The following SLC13A1 variants were observed in gnomAD, a reference collection of about 807,000 sequenced individuals.
SLC13A1 encodes solute carrier family 13 member 1.
In SLC13A1, 65 loss-of-function variants were observed where a neutral mutation model predicts 70.0. The ratio of observed to expected loss-of-function variants is 0.93; its 90% CI spans 0.76 to 1.14. The LOEUF is 1.14. Ranked by LOEUF, SLC13A1 falls within the 50% of genes most tolerant of loss-of-function variation. The probability of loss-of-function intolerance (pLI) is 0.00; values close to 1 mark genes in which losing one functional copy is unlikely to be tolerated. For synonymous variants in SLC13A1, 275 were observed against 250.5 expected (o/e 1.10, Z -0.92); for missense variants, 726 against 717.8 (o/e 1.01, Z -0.13).
chr7:123,144,562 G>C (rs541010641), intron 7 of SLC13A1, among the ~76,000 whole-genome samples: 1 of 152,238 alleles, frequency 6.6e-6, no homozygotes, highest in South Asian at 2.1e-4. Context: ...CACAACCTCT[G>C]TTCATTAAAC....
chr7:123,199,819 CCA>C, intron 1 of SLC13A1, 27 bp downstream of exon 1: 1 of 1,496,322 alleles, frequency 6.7e-7, no homozygotes, highest in Non-Finnish European at 9.3e-7. Context: ...GTCAGGAAAT[CCA>C]CCAGTCTGTT....
intron 6 of SLC13A1, among the ~76,000 whole-genome samples, chr7:123,152,168 G>C (rs1794579047): frequency 6.6e-6 from 1 of 152,038 alleles, no homozygotes; most frequent in Non-Finnish European, 1.5e-5. Context: ...TTCTGAAATA[G>C]GCAAGAATTA....
intron 12 of SLC13A1, among the ~76,000 whole-genome samples, chr7:123,121,276 C>T (rs2116265585): frequency 6.6e-6 from 1 of 152,162 alleles, no homozygotes; most frequent in South Asian, 2.1e-4. Context: ...TCAGCTCTGG[C>T]TTTTACTGTT....
chr7:123,161,658 G>A (rs1201049234), intron 6 of SLC13A1, among the ~76,000 whole-genome samples: 1 of 152,186 alleles, frequency 6.6e-6, no homozygotes, highest in Non-Finnish European at 1.5e-5. Flanking sequence ...GCATGGTGAT[G>A]AAGGAGCCAC....
chr7:123,180,837 G>C, intron 2 of SLC13A1, 136 bp downstream of exon 2: 1 of 824,602 alleles, frequency 1.2e-6, no homozygotes, highest in South Asian at 1.8e-5. Flanking sequence ...CCAGAGAGGA[G>C]AAACAGTTGG....
chr7:123,187,395 A>G (rs1795839329), intron 1 of SLC13A1, among the ~76,000 whole-genome samples: 1 of 152,244 alleles, frequency 6.6e-6, no homozygotes, highest in Non-Finnish European at 1.5e-5. Flanking sequence ...TAGTAAAAAT[A>G]TACAACAAAC....
chr7:123,147,272 G>T lies in SLC13A1; in HGVS notation c.699C>A (p.Gly233=). ...GMRTKYRTKK[G]HVTRKLTCLC... The stretch of plus-strand genomic sequence containing the variant: ...AACACGTAAGTTTACGTGTCACGTG[G>T]CCCTTCTTTGTTCGATATTTGGTTC... Residue 233 remains glycine, a synonymous_variant, in exon 7 of 15, where the codon GGC becomes GGA. Transcript: ENST00000194130. 3 of 1,613,510 alleles carry T rather than the reference G, an allele frequency of 1.9e-6. No individual in the cohort carries two copies. The highest frequency in any genetic ancestry group is 2.5e-6 in the Non-Finnish European group (3 of 1,179,762).
At chr7:123,129,356 G>A (rs777153559) in intron 9 of SLC13A1, 27 bp downstream of exon 9, 2 of 1,100,270 alleles carry the variant, frequency 1.8e-6, no homozygotes, top group East Asian at 4.9e-5. Context: ...GTGTGTGTGT[G>A]TGTGTGTGTG....
At chr7:123,153,619 AG>A (rs1794626492) in intron 6 of SLC13A1, among the ~76,000 whole-genome samples, 2 of 152,098 alleles carry the variant, frequency 1.3e-5, no homozygotes, top group African/African-American at 2.4e-5. Context: ...GCCTGATATG[AG>A]CCACTAAATG....
chr7:123,117,383 A>AT, intron 14 of SLC13A1, 88 bp downstream of exon 14: 1 of 1,290,274 alleles, frequency 7.8e-7, no homozygotes, highest in East Asian at 2.3e-5. Context: ...CTGGTGGTTG[A>AT]TTGGTGTATA....
chr7:123,130,739 A>C (rs2116321932), intron 8 of SLC13A1, among the ~76,000 whole-genome samples: 1 of 152,234 alleles, frequency 6.6e-6, no homozygotes, highest in East Asian at 1.9e-4. Flanking sequence ...AAAAAGAAGT[A>C]AAACTCTATT....
chr7:123,193,390 AG>A (rs1440852619), intron 1 of SLC13A1, among the ~76,000 whole-genome samples: 3 of 152,164 alleles, frequency 2.0e-5, no homozygotes, highest in African/African-American at 7.2e-5. Flanking sequence ...TAATCAGGAC[AG>A]GATAAGCTAT....
chr7:123,175,077 T>C (rs1001625314), intron 2 of SLC13A1, among the ~76,000 whole-genome samples: 1 of 152,098 alleles, frequency 6.6e-6, no homozygotes, highest in African/African-American at 2.4e-5. Flanking sequence ...ATGTATCTTA[T>C]TGATCATTGT....
intron 1 of SLC13A1, among the ~76,000 whole-genome samples, chr7:123,193,489 C>T (rs1410273744): frequency 6.6e-6 from 1 of 152,144 alleles, no homozygotes; most frequent in East Asian, 1.9e-4. Context: ...GTAGAGGTTA[C>T]TACGTGATCC....
At chr7:123,124,712 G>A (rs1793502220) in intron 11 of SLC13A1, among the ~76,000 whole-genome samples, 1 of 152,092 alleles carries the variant, frequency 6.6e-6, no homozygotes, top group South Asian at 2.1e-4. Flanking sequence ...TGTGTGTTGA[G>A]AGGATGGTAT....
intron 6 of SLC13A1, among the ~76,000 whole-genome samples, chr7:123,159,249 G>A (rs532546692): frequency 1.4e-4 from 22 of 152,200 alleles, no homozygotes; most frequent in African/African-American, 2.6e-4. Flanking sequence ...CTCAATATTC[G>A]TATGTTGAAG....
intron 7 of SLC13A1, among the ~76,000 whole-genome samples, chr7:123,134,919 T>G (rs1006453240): frequency 6.6e-6 from 1 of 152,178 alleles, no homozygotes; most frequent in Non-Finnish European, 1.5e-5. Context: ...GAAAGACACA[T>G]AAGCAGAAAT....
At chr7:123,183,912 A>T (rs1469482455) in intron 1 of SLC13A1, among the ~76,000 whole-genome samples, 1 of 152,116 alleles carries the variant, frequency 6.6e-6, no homozygotes. Flanking sequence ...TTTATGTCTC[A>T]TCATGGAGTT....
chr7:123,194,506 A>G (rs1021425856), intron 1 of SLC13A1, among the ~76,000 whole-genome samples: 4 of 152,132 alleles, frequency 2.6e-5, no homozygotes, highest in African/African-American at 9.7e-5. Context: ...GCAAAAAGGA[A>G]CCATTGAAAA....
Sources: gnomAD v4.1 joint callset for allele counts (sites outside exome capture counted in the v4.1 genomes callset) on GRCh38, gnomAD v4.1.1 for gene constraint, MANE v1.5 for transcripts, NCBI Gene and HGNC (gene_info 2026-07-23, HGNC 2026-07-21) for gene names.